EPDR1: variants seen among roughly 807,000 people sequenced by gnomAD.
The protein encoded by EPDR1 is mammalian ependymin-related protein 1.
Under a neutral mutation model 23.7 loss-of-function variants are expected in EPDR1, and 27 were observed. That is an observed-to-expected ratio of 1.14 (90% CI 0.84 to 1.57). The LOEUF is 1.57. EPDR1 is among the 40% of genes most tolerant of loss of function. The pLI, the probability that EPDR1 is intolerant of heterozygous loss-of-function variation, is 0.00. For missense variants in EPDR1, 349 were observed against 290.4 expected, an observed-to-expected ratio of 1.20 and a Z score of -1.47; for synonymous variants, 137 against 118.2, an observed-to-expected ratio of 1.16 and a Z score of -1.03.
intron 1 of EPDR1, among the ~76,000 whole-genome samples, chr7:37,926,475 T>C (rs1413508135): frequency 3.7e-5 from 1 of 27,112 alleles, no homozygotes; most frequent in Non-Finnish European, 6.9e-5. Flanking sequence ...ATGTTCTTCA[T>C]AGCAAAAAAA....
In EPDR1 at chr7:37,950,681, G is replaced by A. The variant is rs543673699; in HGVS notation, c.*285G>A. The A allele has an allele frequency of 1.8e-5, 7 of 378,640 alleles. No individual in the cohort carries two copies. Among genetic ancestry groups the A allele is most frequent in the East Asian group, 1.3e-4 (3 of 23,586 alleles). 23.5% of individuals were successfully genotyped at this position (378,640 alleles called of 1,614,324 possible). Reference sequence around the variant, plus strand: ...TTCAGGGCTGGTTTTCTGCATGCACGGGTATACACATAATGCAGTGCCATG... The same window carrying A: ...TTCAGGGCTGGTTTTCTGCATGCACAGGTATACACATAATGCAGTGCCATG... On this transcript the variant is annotated 3_prime_UTR_variant, in exon 3 of 3. Coordinates refer to ENST00000199448, the MANE Select transcript of EPDR1 (RefSeq NM_017549.5).
At chr7:37,949,352 A>G (rs1786349580) in intron 2 of EPDR1, among the ~76,000 whole-genome samples, 1 of 152,130 alleles carries the variant, frequency 6.6e-6, no homozygotes, top group South Asian at 2.1e-4. Context: ...GCATCTGTCT[A>G]AGGCACACAT....
At chr7:37,927,890 G>A (rs1230493693) in intron 1 of EPDR1, among the ~76,000 whole-genome samples, 1 of 152,148 alleles carries the variant, frequency 6.6e-6, no homozygotes. Flanking sequence ...GTGGCCTCCT[G>A]ATCCTCAAAG....
intron 1 of EPDR1, among the ~76,000 whole-genome samples, chr7:37,941,027 A>T (rs1186160203): frequency 6.6e-6 from 1 of 152,184 alleles, no homozygotes; most frequent in Admixed American, 6.5e-5. Flanking sequence ...CTCAGAGACT[A>T]ATAGGATTAT....
intron 1 of EPDR1, among the ~76,000 whole-genome samples, chr7:37,944,604 C>T (rs1233316744): frequency 6.6e-6 from 1 of 152,180 alleles, no homozygotes; most frequent in South Asian, 2.1e-4. Flanking sequence ...CAAGAGAGAG[C>T]TTATGCAGGG....
intron 1 of EPDR1, among the ~76,000 whole-genome samples, chr7:37,922,742 G>A (rs1301091485): frequency 6.6e-6 from 1 of 151,992 alleles, no homozygotes; most frequent in Non-Finnish European, 1.5e-5. Flanking sequence ...TTCATGTTAG[G>A]CACTGTGTAT....
chr7:37,941,414 C>A (rs927677646), intron 1 of EPDR1, among the ~76,000 whole-genome samples: 1 of 152,200 alleles, frequency 6.6e-6, no homozygotes, highest in Non-Finnish European at 1.5e-5. Context: ...TCAAAGTTAG[C>A]AGCATTAATA....
chr7:37,946,098 AC>A (rs1251496364), intron 1 of EPDR1, among the ~76,000 whole-genome samples: 2 of 152,024 alleles, frequency 1.3e-5, no homozygotes, highest in African/African-American at 4.8e-5. Context: ...GTGTATATGT[AC>A]CCCATTTTCT....
chr7:37,922,349 A>G (rs889625958), intron 1 of EPDR1, among the ~76,000 whole-genome samples: 2 of 152,224 alleles, frequency 1.3e-5, no homozygotes, highest in Admixed American at 6.5e-5. Flanking sequence ...GGTGCAAAAT[A>G]ATGCATTATG....
chr7:37,936,530 C>A (rs1786056831), intron 1 of EPDR1, among the ~76,000 whole-genome samples: 1 of 152,058 alleles, frequency 6.6e-6, no homozygotes, highest in Admixed American at 6.5e-5. Flanking sequence ...AAATTGAAAA[C>A]CATCTCTATC....
chr7:37,933,248 A>G (rs1289431195), intron 1 of EPDR1, among the ~76,000 whole-genome samples: 1 of 152,244 alleles, frequency 6.6e-6, no homozygotes, highest in Admixed American at 6.5e-5. Context: ...TATAGTGCGT[A>G]TTAAACAAAT....
intron 1 of EPDR1, among the ~76,000 whole-genome samples, chr7:37,923,721 G>C (rs1337493198): frequency 6.6e-6 from 1 of 151,908 alleles, no homozygotes; most frequent in Non-Finnish European, 1.5e-5. Context: ...AGACAAATCT[G>C]GATCTGAATC....
chr7:37,950,017 GA>G (rs1786365193), intron 2 of EPDR1, among the ~76,000 whole-genome samples, 182 bp from the exon 3 acceptor site: 1 of 152,098 alleles, frequency 6.6e-6, no homozygotes, highest in African/African-American at 2.4e-5. Context: ...TTGGGAAGAT[GA>G]AAAAAGTTCT....
intron 1 of EPDR1, among the ~76,000 whole-genome samples, chr7:37,923,649 G>C (rs759122292): frequency 6.6e-6 from 1 of 151,974 alleles, no homozygotes; most frequent in Non-Finnish European, 1.5e-5. Context: ...GAAGGATAAG[G>C]GTTCATCTCT....
At chr7:37,937,985 ATTTTT>A (rs35752051) in intron 1 of EPDR1, among the ~76,000 whole-genome samples, 1 of 72,404 alleles carries the variant, frequency 1.4e-5, no homozygotes, top group Non-Finnish European at 2.7e-5. Flanking sequence ...TGCCCTTTAA[ATTTTT>A]TTTTTTTTTT....
At chr7:37,940,196 G>GA (rs1182109553) in intron 1 of EPDR1, among the ~76,000 whole-genome samples, 4 of 152,110 alleles carry the variant, frequency 2.6e-5, no homozygotes, top group African/African-American at 4.8e-5. Flanking sequence ...AAGAAGAAGA[G>GA]AAAATAATAA....
chr7:37,944,638 A>G (rs2722370), intron 1 of EPDR1, among the ~76,000 whole-genome samples: 108,342 of 152,070 alleles, frequency 0.71, 38,667 homozygotes, highest in South Asian at 0.81. Context: ...TAAAACCATC[A>G]GACCTTGTGA....
intron 1 of EPDR1, among the ~76,000 whole-genome samples, chr7:37,937,648 G>A (rs1388156001): frequency 6.6e-6 from 1 of 152,120 alleles, no homozygotes; most frequent in African/African-American, 2.4e-5. Flanking sequence ...GTTAGTGACT[G>A]AGGGGGCACA....
rs1466042993 is a variant in EPDR1 at position 37,920,725 on chromosome 7, A to G, written c.-215A>G. On this transcript the variant is annotated 5_prime_UTR_variant, in exon 1 of 3. Transcript: ENST00000199448. ...GGCAGAAATAGCTCCCGCGCGATTC[A>G]CTGGAGCCTTCCCCGGGCCCTGGTC... 1 of 1,608,328 alleles carries G rather than the reference A, an allele frequency of 6.2e-7. No homozygotes were observed. The highest frequency in any genetic ancestry group is 8.5e-7 in the Non-Finnish European group (1 of 1,176,884).
Sources: allele counts gnomAD v4.1 joint callset (sites outside exome capture counted in the v4.1 genomes callset), GRCh38; gene constraint gnomAD v4.1.1; transcripts MANE v1.5; gene names NCBI Gene and HGNC (gene_info 2026-07-23, HGNC 2026-07-21).